SOX5: variants seen among roughly 807,000 people sequenced by gnomAD.
SOX5 encodes SRY-box transcription factor 5, also known as transcription factor SOX-5.
SOX5 carries 9 observed loss-of-function variants against 92.0 expected under a neutral mutation model. The observed-to-expected ratio is 0.10, with a 90% CI of 0.06 to 0.17. The LOEUF is 0.17. Among genes scored for constraint, SOX5 ranks in the 10% least tolerant of loss-of-function variants. SOX5 has a pLI of 1.00. For synonymous variants in SOX5, 344 were observed against 336.3 expected (o/e 1.02, Z -0.25); for missense variants, 642 against 944.5 (o/e 0.68, Z 4.20).
intron 4 of SOX5, among the ~76,000 whole-genome samples, chr12:24,068,990 GAA>G (rs777019850): frequency 2.9e-5 from 4 of 138,708 alleles, no homozygotes; most frequent in African/African-American, 1.1e-4. Context: ...AGGAATTTGG[GAA>G]AAAAAAAAAA....
At chr12:23,893,270 A>G (rs973293293) in intron 2 of SOX5, among the ~76,000 whole-genome samples, 1 of 152,046 alleles carries the variant, frequency 6.6e-6, no homozygotes, top group Non-Finnish European at 1.5e-5. Context: ...ACATGGTGAA[A>G]CCCTGTCTCT....
intron 4 of SOX5, among the ~76,000 whole-genome samples, chr12:24,102,062 T>G (rs1389476986): frequency 1.3e-5 from 2 of 152,162 alleles, no homozygotes; most frequent in Non-Finnish European, 2.9e-5. Context: ...GTTCCAAATC[T>G]CCATTAAATT....
chr12:23,595,544 G>A (rs772563945), intron 9 of SOX5, among the ~76,000 whole-genome samples: 4 of 149,498 alleles, frequency 2.7e-5, no homozygotes, highest in South Asian at 2.1e-4. Flanking sequence ...GTGTGAACCC[G>A]GGAGGCGGAG....
intron 2 of SOX5, chr12:24,357,367 G>C (rs936252415): frequency 6.6e-6 from 1 of 152,198 alleles, no homozygotes; most frequent in African/African-American, 2.4e-5. Flanking sequence ...TAGGTTCTGT[G>C]CAAAGATGGG....
At chr12:23,786,543 C>A (rs1475428816) in intron 3 of SOX5, among the ~76,000 whole-genome samples, 4 of 126,970 alleles carry the variant, frequency 3.2e-5, no homozygotes, top group South Asian at 2.6e-4. Flanking sequence ...GACTCCATCT[C>A]AAAAAAAAAA....
intron 2 of SOX5, among the ~76,000 whole-genome samples, chr12:24,313,269 T>C (rs1949369732): frequency 6.6e-6 from 1 of 152,210 alleles, no homozygotes; most frequent in East Asian, 1.9e-4. Context: ...GGTTCACACC[T>C]GTAACCCCAG....
chr12:23,747,922 T>A (rs1258602252), intron 4 of SOX5, among the ~76,000 whole-genome samples: 2 of 146,762 alleles, frequency 1.4e-5, no homozygotes, highest in African/African-American at 5.1e-5. Context: ...CAGAAAAGAA[T>A]GCATGCCTTC....
rs1591796888 is a variant in SOX5 at position 23,530,907 on chromosome 12, G to A, written c.*3312C>T. On this transcript the variant is annotated 3_prime_UTR_variant, in exon 15 of 15. Transcript: ENST00000451604. ...TAGGTAAGAAAGCAGACAGGAAGGAGACTGTTTATGTTTTAGTTTGATCTT... is the reference window on the plus strand; with the variant it reads ...TAGGTAAGAAAGCAGACAGGAAGGAAACTGTTTATGTTTTAGTTTGATCTT... The A allele has an allele frequency of 6.6e-6, 1 of 150,946 alleles. No individual in the cohort carries two copies. The highest frequency in any genetic ancestry group is 2.0e-4 in the East Asian group (1 of 5,084). 9.4% of individuals were successfully genotyped at this position (150,946 alleles called of 1,614,324 possible). A position where few individuals can be genotyped will look rare whatever the true frequency, so the allele number is the denominator to read the frequency against.
intron 4 of SOX5, among the ~76,000 whole-genome samples, chr12:23,969,610 T>C (rs144982011): frequency 5.0e-4 from 76 of 152,374 alleles, no homozygotes; most frequent in Admixed American, 1.8e-3. Context: ...ATTTGGCTAA[T>C]GTCTAGCTAC....
intron 4 of SOX5, among the ~76,000 whole-genome samples, chr12:24,054,123 A>G (rs1957866679): frequency 6.6e-6 from 1 of 152,368 alleles, no homozygotes; most frequent in South Asian, 2.1e-4. Context: ...TCTTGACTCC[A>G]GCTAGGGAAT....
In SOX5 at chr12:24,355,219, C is replaced by T. The variant is rs964452589; in HGVS notation, c.-174+13344G>A. Among the ~76,000 whole-genome samples, 6 of 150,080 alleles carry T rather than the reference C, an allele frequency of 4.0e-5. No homozygotes were observed. In the East Asian group the frequency reaches 7.8e-4, roughly 20 times the overall value. On this transcript the variant is annotated intron_variant, in intron 2 of 4. Transcript: ENST00000446891. ...TGCAATATCAGGATAGTGTGGTTCC[C>T]AGCCAGCTCATCACCAATATCACCT...
chr12:24,001,373 T>C (rs756643567), intron 4 of SOX5, among the ~76,000 whole-genome samples: 1 of 152,130 alleles, frequency 6.6e-6, no homozygotes, highest in Admixed American at 6.6e-5. Flanking sequence ...ATTACAAGCA[T>C]GAGCCACCAA....
At chr12:24,390,610 C>T (rs1286165148) in intron 1 of SOX5, among the ~76,000 whole-genome samples, 1 of 152,028 alleles carries the variant, frequency 6.6e-6, no homozygotes, top group Admixed American at 6.6e-5. Context: ...TCTATTATTC[C>T]CCTCTCTATG....
intron 1 of SOX5, among the ~76,000 whole-genome samples, chr12:23,913,105 CAGTT>C (rs2097369660): frequency 6.6e-6 from 1 of 152,158 alleles, no homozygotes; most frequent in African/African-American, 2.4e-5. Context: ...TAAAGCCTCA[CAGTT>C]AGAAAGTGGC....
intron 3 of SOX5, among the ~76,000 whole-genome samples, chr12:24,222,924 T>G (rs1960849068): frequency 6.6e-6 from 1 of 152,178 alleles, no homozygotes; most frequent in Non-Finnish European, 1.5e-5. Context: ...ACAGTGAGAC[T>G]AAGGCTGAAC....
At chr12:23,798,503 C>T (rs1434347081) in intron 3 of SOX5, among the ~76,000 whole-genome samples, 1 of 149,714 alleles carries the variant, frequency 6.7e-6, no homozygotes, top group Non-Finnish European at 1.5e-5. Context: ...CAGAGTTACA[C>T]ATGTATACTC....
At chr12:24,481,358 C>T (rs1945975695) in intron 1 of SOX5, among the ~76,000 whole-genome samples, 1 of 152,032 alleles carries the variant, frequency 6.6e-6, no homozygotes, top group South Asian at 2.1e-4. Flanking sequence ...TATGATAGCT[C>T]AACAGGGTGA....
chr12:24,150,884 A>G (rs1951585400), intron 4 of SOX5, among the ~76,000 whole-genome samples: 1 of 148,440 alleles, frequency 6.7e-6, no homozygotes, highest in African/African-American at 2.5e-5. Flanking sequence ...AAATTTTTTG[A>G]AAAAAAAAAG....
intron 4 of SOX5, among the ~76,000 whole-genome samples, chr12:23,994,642 A>G (rs1193756758): frequency 3.9e-5 from 6 of 152,130 alleles, no homozygotes; most frequent in African/African-American, 2.4e-5. Flanking sequence ...ACACATGAGC[A>G]TGGTGGGGGC....
Sources: allele counts gnomAD v4.1 joint callset (sites outside exome capture counted in the v4.1 genomes callset), GRCh38; gene constraint gnomAD v4.1.1; transcripts MANE v1.5; gene names NCBI Gene and HGNC (gene_info 2026-07-23, HGNC 2026-07-21).